The following BEGAIN variants were observed in gnomAD, a reference collection of about 807,000 sequenced individuals.
BEGAIN encodes brain-enriched guanylate kinase-associated protein.
Under a neutral mutation model 35.8 loss-of-function variants are expected in BEGAIN, and 19 were observed. The observed-to-expected ratio is 0.53, with a 90% CI of 0.37 to 0.78. BEGAIN has a LOEUF of 0.78. BEGAIN is among the 30% of genes least tolerant of loss of function. The pLI, the probability that BEGAIN is intolerant of heterozygous loss-of-function variation, is 0.00. For synonymous variants in BEGAIN, 462 were observed against 388.6 expected (o/e 1.19, Z -2.22); for missense variants, 795 against 853.6 (o/e 0.93, Z 0.85).
chr14:100,543,950 C>A lies in BEGAIN; in HGVS notation c.316G>T (p.Glu106Ter). The change falls in exon 5 of 7, where the codon GAG (glutamate) becomes TAG (stop). Residue 106 changes from glutamate to a stop codon, truncating the protein, a stop_gained. Coordinates refer to ENST00000554140, the MANE Select transcript of BEGAIN (RefSeq NM_001385089.1). LOFTEE classifies it high-confidence loss of function. ...TCGTGGCTCAGCGCACGCTTCTCCT[C>A]CTCATAGTGCTGGCCCTGGGGGTGG... ...KLYRMGQHYE[E>*]EKRALSHEIV... 6.2e-7 allele frequency: 1 copy of A among 1,610,460 alleles called. No individual in the cohort carries two copies.
At chr14:100,555,896 A>G (rs150980062) in intron 2 of BEGAIN, among the ~76,000 whole-genome samples, 2 of 152,214 alleles carry the variant, frequency 1.3e-5, no homozygotes, top group African/African-American at 4.8e-5. Context: ...CTCCACCCGC[A>G]CAGAGAGGAC....
chr14:100,545,356 T>C (rs1294743703), intron 3 of BEGAIN: 1 of 1,267,696 alleles, frequency 7.9e-7, no homozygotes, highest in East Asian at 3.6e-5. Context: ...CAAGAGACTC[T>C]GTCCCATCCA....
Position 100,563,535 on chromosome 14 carries a change from T to C in BEGAIN, c.71+4376A>G, listed in dbSNP as rs542013204. Among the ~76,000 whole-genome samples the C allele has an allele frequency of 6.6e-6, 1 of 152,284 alleles. No homozygotes were observed. Among genetic ancestry groups the C allele is most frequent in the Admixed American group, 6.5e-5 (1 of 15,300 alleles). ...CCACAAATCAATGGGAAAAACACCTTGGTAGAAAATGCGCACGGCCTTCGC... is the reference window on the plus strand; with the variant it reads ...CCACAAATCAATGGGAAAAACACCTCGGTAGAAAATGCGCACGGCCTTCGC... On this transcript the variant is annotated intron_variant, in intron 2 of 6. Transcript: ENST00000554140. The surrounding 1 kb of genome is among the most constrained non-coding windows in gnomAD (Gnocchi z 4.2).
chr14:100,539,654 C>T (rs921553419), intron 6 of BEGAIN, among the ~76,000 whole-genome samples: 7 of 151,964 alleles, frequency 4.6e-5, no homozygotes, highest in South Asian at 2.1e-4. Context: ...CTCCACCCCC[C>T]GCCACCCCCA....
In BEGAIN at chr14:100,573,618, G is replaced by A. The variant is rs1394153034; in HGVS notation, c.43-5679C>T. Among the ~76,000 whole-genome samples, 1 of 152,046 alleles carries A rather than the reference G, an allele frequency of 6.6e-6. No homozygotes were observed. Among genetic ancestry groups the A allele is most frequent in the Non-Finnish European group, 1.5e-5 (1 of 68,006 alleles). ...CAGATTCCCAGGCAGTCTAGAAGCAGACATGGAAGGAAGAGAACCCCTGAG... is the reference window on the plus strand; with the variant it reads ...CAGATTCCCAGGCAGTCTAGAAGCAAACATGGAAGGAAGAGAACCCCTGAG... On this transcript the variant is annotated intron_variant, in intron 1 of 6. Transcript: ENST00000554140. The surrounding 1 kb of genome is among the most constrained non-coding windows in gnomAD (Gnocchi z 4.2).
Position 100,561,038 on chromosome 14 carries a change from G to T in BEGAIN, c.71+6873C>A, listed in dbSNP as rs1019329557. Among the ~76,000 whole-genome samples the T allele has an allele frequency of 9.0e-4, 32 of 35,712 alleles. No individual in the cohort carries two copies. In the African/African-American group the frequency reaches 0.028, roughly 32 times the overall value. 23.4% of individuals were successfully genotyped at this position (35,712 alleles called of 152,430 possible). ...AAGGATTTTCTGCCTGTGGTAGTTG[G>T]GGGGTGGGGAGGGGGAGCCCCATGC... On this transcript the variant is annotated intron_variant, in intron 2 of 6. Coordinates refer to ENST00000554140, the MANE Select transcript of BEGAIN (RefSeq NM_001385089.1).
At position 100,546,596 on chromosome 14, in the gene BEGAIN, C is replaced by T; in HGVS notation, c.138G>A (p.Lys46=). The change falls in exon 3 of 7, where the codon AAG becomes AAA. Residue 46 remains lysine (K), a synonymous_variant. Transcript: ENST00000554140. ...RLSYTTHKLE[K]LETEFDSTRH... ...GCGTGGAGTCGAACTCGGTCTCGAG[C>T]TTCTCGAGCTTGTGTGTGGTGTAGG... is the stretch of plus-strand genomic sequence containing the variant. 1 of 1,592,880 alleles carries T rather than the reference C, an allele frequency of 6.3e-7. No individual in the cohort carries two copies. Among genetic ancestry groups the T allele is most frequent in the Non-Finnish European group, 8.5e-7 (1 of 1,172,582 alleles).
At chr14:100,580,967 C>T (rs1050213703) in intron 1 of BEGAIN, among the ~76,000 whole-genome samples, 2 of 152,162 alleles carry the variant, frequency 1.3e-5, no homozygotes, top group Non-Finnish European at 2.9e-5. Context: ...CTATGGTCCC[C>T]GACAGTCGCC....
intron 2 of BEGAIN, among the ~76,000 whole-genome samples, chr14:100,554,321 C>A (rs951335383): frequency 6.6e-6 from 1 of 152,180 alleles, no homozygotes; most frequent in Non-Finnish European, 1.5e-5. Flanking sequence ...GCCCGAGAGC[C>A]GCTCCCACCC....
At chr14:100,561,436 G>C (rs1441494144) in intron 2 of BEGAIN, among the ~76,000 whole-genome samples, 1 of 152,216 alleles carries the variant, frequency 6.6e-6, no homozygotes. Context: ...ATGTGGCACT[G>C]AGAGTCAGAA....
intron 1 of BEGAIN, among the ~76,000 whole-genome samples, chr14:100,576,131 C>T (rs556164135): frequency 6.6e-6 from 1 of 152,272 alleles, no homozygotes; most frequent in South Asian, 2.1e-4. Context: ...CACTGACCCT[C>T]GAGATGCACT....
At chr14:100,551,260 G>C (rs1204891346) in intron 2 of BEGAIN, among the ~76,000 whole-genome samples, 1 of 152,204 alleles carries the variant, frequency 6.6e-6, no homozygotes, top group Non-Finnish European at 1.5e-5. Context: ...TGGCCTGCTG[G>C]AGGACACAGC....
intron 1 of BEGAIN, among the ~76,000 whole-genome samples, chr14:100,575,295 C>T (rs568871682): frequency 3.9e-4 from 59 of 152,268 alleles, no homozygotes; most frequent in African/African-American, 1.4e-3. Flanking sequence ...CAGGAAGGTA[C>T]GAGGCACACA....
At chr14:100,543,836 G>T in intron 5 of BEGAIN, 22 bp downstream of exon 5, 1 of 1,595,340 alleles carries the variant, frequency 6.3e-7, no homozygotes, top group Non-Finnish European at 8.6e-7. Flanking sequence ...TCTTCCATGG[G>T]CCAAGTGTGT....
At chr14:100,561,143 C>T (rs1250526859) in intron 2 of BEGAIN, among the ~76,000 whole-genome samples, 2 of 152,204 alleles carry the variant, frequency 1.3e-5, no homozygotes, top group Non-Finnish European at 2.9e-5. Context: ...CAACCATCGA[C>T]GGCCCCTGGG....
intron 1 of BEGAIN, among the ~76,000 whole-genome samples, chr14:100,571,301 G>A (rs1367773830): frequency 1.3e-5 from 2 of 152,162 alleles, no homozygotes; most frequent in African/African-American, 4.8e-5. Flanking sequence ...TGGCCATCTG[G>A]GTCCTGATGA....
In BEGAIN at chr14:100,538,602, C is replaced by A; in HGVS notation, c.1206G>T (p.Pro402=). 1.3e-6 allele frequency: 2 copies of A among 1,548,606 alleles called. No individual in the cohort carries two copies. Among genetic ancestry groups the A allele is most frequent in the East Asian group, 2.4e-5 (1 of 41,730 alleles). Reference sequence around the variant, plus strand: ...GGGCCTGCTGGGGACCCGGAGAGGCCGGGAAGCGGAAGGTCTCGGCCGGGT... The same window carrying A: ...GGGCCTGCTGGGGACCCGGAGAGGCAGGGAAGCGGAAGGTCTCGGCCGGGT... ...SPYPAETFRF[P]ASPGPQQALM... The change falls in exon 7 of 7, where the codon CCG becomes CCT. Residue 402 remains proline, a synonymous_variant. Coordinates refer to ENST00000554140, the MANE Select transcript of BEGAIN (RefSeq NM_001385089.1).
chr14:100,543,857 C>T lies in BEGAIN; in HGVS notation c.408+1G>A. 1 of 1,612,032 alleles carries T rather than the reference C, an allele frequency of 6.2e-7. No individual in the cohort carries two copies. The highest frequency in any genetic ancestry group is 8.5e-7 in the Non-Finnish European group (1 of 1,178,906). On this transcript the variant is annotated splice_donor_variant, in intron 5 of 6. Transcript: ENST00000554140. LOFTEE classifies it high-confidence loss of function. ...ATGGGCCAAGTGTGTGCGGCACTCA[C>T]GTTGTCCTCTGACAGCTTGTCGATG...
At chr14:100,562,672 C>G (rs552409209) in intron 2 of BEGAIN, among the ~76,000 whole-genome samples, 1 of 152,048 alleles carries the variant, frequency 6.6e-6, no homozygotes, top group African/African-American at 2.4e-5. Context: ...TGCAGGCCAC[C>G]GGTACACCTG....
Sources: gnomAD v4.1 joint callset for allele counts (sites outside exome capture counted in the v4.1 genomes callset) on GRCh38, gnomAD v4.1.1 for gene constraint, Gnocchi (gnomAD v3.1) non-coding constraint, MANE v1.5 for transcripts, NCBI Gene and HGNC (gene_info 2026-07-23, HGNC 2026-07-21) for gene names.